Variants in CLEC1A observed in about 807,000 individuals in gnomAD.
CLEC1A encodes the protein C-type lectin domain family 1 member A, also known as C-type lectin-like receptor-1.
CLEC1A carries 34 observed loss-of-function variants against 28.7 expected under a neutral mutation model. The observed-to-expected ratio is 1.18, with a 90% CI of 0.90 to 1.57. CLEC1A has a LOEUF of 1.57. CLEC1A is among the 40% of genes most tolerant of loss of function. CLEC1A has a pLI of 0.00. For missense variants in CLEC1A, 385 were observed against 339.5 expected, an observed-to-expected ratio of 1.13 and a Z score of -1.05; for synonymous variants, 116 against 121.0, an observed-to-expected ratio of 0.96 and a Z score of 0.27.
rs116087917 is a variant in CLEC1A at position 10,085,993 on chromosome 12, A to G, written c.214+3131T>C. On this transcript the variant is annotated intron_variant, in intron 2 of 5. Transcript: ENST00000315330. ...TGAAATTATATCAAGTATTCTCTCAAAGCATAGTGAAATAAAATTGAAAAT... is the reference window on the plus strand; with the variant it reads ...TGAAATTATATCAAGTATTCTCTCAGAGCATAGTGAAATAAAATTGAAAAT... 9.9e-3 allele frequency among the ~76,000 whole-genome samples: 1,511 copies of G among 152,316 alleles called. 33 individuals carry two copies. Among genetic ancestry groups the G allele is most frequent in the African/African-American group, 0.035 (1,449 of 41,560 alleles).
chr12:10,081,661 T>C (rs945698789), intron 2 of CLEC1A, among the ~76,000 whole-genome samples: 5 of 138,650 alleles, frequency 3.6e-5, no homozygotes, highest in Non-Finnish European at 6.4e-5. Context: ...AGGGCTAAGA[T>C]AGAGCTCCCA....
At chr12:10,074,131 T>G (rs1866199085) in intron 4 of CLEC1A, among the ~76,000 whole-genome samples, 1 of 152,208 alleles carries the variant, frequency 6.6e-6, no homozygotes, top group African/African-American at 2.4e-5. Flanking sequence ...CATAGCTCAC[T>G]GCAGCCTCAA....
intron 2 of CLEC1A, among the ~76,000 whole-genome samples, chr12:10,087,626 G>A (rs752385945): frequency 5.4e-5 from 8 of 148,754 alleles, no homozygotes; most frequent in Non-Finnish European, 1.2e-4. Flanking sequence ...GGGTTCAAGC[G>A]GTTCTCCTGC....
chr12:10,088,989 C>A, intron 2 of CLEC1A, 135 bp downstream of exon 2: 1 of 703,122 alleles, frequency 1.4e-6, no homozygotes, highest in Non-Finnish European at 2.5e-6. Flanking sequence ...AAATAGTTGC[C>A]ATTTAAAAAA....
chr12:10,080,396 A>G (rs575727214), intron 3 of CLEC1A, among the ~76,000 whole-genome samples: 1 of 152,324 alleles, frequency 6.6e-6, no homozygotes, highest in South Asian at 2.1e-4. Context: ...GTAGGAAAGA[A>G]TCACTTAGAG....
At position 10,070,601 on chromosome 12, in the gene CLEC1A, T is replaced by C. The variant is rs1239911849; in HGVS notation, c.*732A>G. The C allele has an allele frequency of 6.6e-6, 1 of 152,236 alleles. No homozygotes were observed. The highest frequency in any genetic ancestry group is 1.5e-5 in the Non-Finnish European group (1 of 68,034). 9.4% of individuals were successfully genotyped at this position (152,236 alleles called of 1,614,324 possible). On this transcript the variant is annotated 3_prime_UTR_variant, in exon 6 of 6. Transcript: ENST00000315330. ...GTGCAGATGAAGAGGCTCACTTTTT[T>C]CTGGTCTTTAATCTCTCTGAAGGGA...
chr12:10,090,607 G>T lies in CLEC1A; in HGVS notation c.116-1385C>A, dbSNP rs184889812. Among the ~76,000 whole-genome samples the T allele has an allele frequency of 7.9e-5, 12 of 152,018 alleles. No homozygotes were observed. In the South Asian group the frequency reaches 2.5e-3, roughly 32 times the overall value. ...ATATGAAACGTTATTTCCAAATGGG[G>T]AATGATAACTAGTAAAGAATATAGA... On this transcript the variant is annotated intron_variant, in intron 1 of 5. Transcript: ENST00000315330.
chr12:10,088,935 G>A (rs1163444406), intron 2 of CLEC1A, among the ~76,000 whole-genome samples, 189 bp downstream of exon 2: 1 of 101,548 alleles, frequency 9.8e-6, no homozygotes, highest in East Asian at 2.0e-4. Context: ...ATTCTAGTTG[G>A]CAACTGATTT....
chr12:10,078,427 A>G (rs1866298743), intron 3 of CLEC1A, among the ~76,000 whole-genome samples: 1 of 152,152 alleles, frequency 6.6e-6, no homozygotes. Context: ...ATTTCTCTAT[A>G]TTACATGGCT....
At chr12:10,097,960 T>C (rs1399887026) in intron 1 of CLEC1A, among the ~76,000 whole-genome samples, 1 of 47,514 alleles carries the variant, frequency 2.1e-5, no homozygotes, top group East Asian at 2.8e-4. Context: ...TGGAGGGTCA[T>C]TTAATAAATA....
At chr12:10,073,897 G>A (rs965435782) in intron 4 of CLEC1A, among the ~76,000 whole-genome samples, 1 of 152,104 alleles carries the variant, frequency 6.6e-6, no homozygotes, top group Non-Finnish European at 1.5e-5. Context: ...AGAGAAGAAA[G>A]AAATTTTTAA....
At chr12:10,086,640 A>G (rs973065651) in intron 2 of CLEC1A, among the ~76,000 whole-genome samples, 1 of 152,242 alleles carries the variant, frequency 6.6e-6, no homozygotes, top group Non-Finnish European at 1.5e-5. Context: ...AACAGTAACA[A>G]GTAGTGAAAT....
intron 2 of CLEC1A, among the ~76,000 whole-genome samples, chr12:10,085,700 T>C (rs1009185225): frequency 7.9e-5 from 12 of 152,028 alleles, no homozygotes; most frequent in African/African-American, 2.4e-4. Flanking sequence ...AAAAATGAGA[T>C]AGACAGCAAC....
intron 1 of CLEC1A, chr12:10,092,388 A>T (rs760423545): frequency 2.7e-6 from 1 of 371,276 alleles, no homozygotes; most frequent in South Asian, 1.9e-5. Flanking sequence ...TCTATAAAAA[A>T]TTTTTAAAAT....
At chr12:10,083,843 A>G (rs1403389738) in intron 2 of CLEC1A, among the ~76,000 whole-genome samples, 1 of 152,120 alleles carries the variant, frequency 6.6e-6, no homozygotes, top group Non-Finnish European at 1.5e-5. Flanking sequence ...TATCGTAAAG[A>G]AAAAACAATC....
chr12:10,098,969 G>C lies in CLEC1A; in HGVS notation c.-47C>G. On this transcript the variant is annotated 5_prime_UTR_variant, in exon 1 of 6. Transcript: ENST00000315330. Reference sequence around the variant, plus strand: ...AGTGAAATGTGGTCGGATTGCCCTGGGCCGCCGGGCTACTGTGAGCTAGTT... The same window carrying C: ...AGTGAAATGTGGTCGGATTGCCCTGCGCCGCCGGGCTACTGTGAGCTAGTT... The C allele has an allele frequency of 7.2e-7, 1 of 1,386,638 alleles. No homozygotes were observed. Among genetic ancestry groups the C allele is most frequent in the Non-Finnish European group, 1.0e-6 (1 of 990,280 alleles). 85.9% of individuals were successfully genotyped at this position (1,386,638 alleles called of 1,614,324 possible).
At chr12:10,083,166 G>A (rs370706577) in intron 2 of CLEC1A, among the ~76,000 whole-genome samples, 1 of 152,178 alleles carries the variant, frequency 6.6e-6, no homozygotes, top group African/African-American at 2.4e-5. Context: ...AAGGGGGAGA[G>A]CACAACATCA....
At position 10,098,915 on chromosome 12, in the gene CLEC1A, G is replaced by T. The variant is rs759228341; in HGVS notation, c.8C>A (p.Ala3Asp). 4 of 1,610,110 alleles carry T rather than the reference G, an allele frequency of 2.5e-6. No homozygotes were observed. Among genetic ancestry groups the T allele is most frequent in the Non-Finnish European group, 3.4e-6 (4 of 1,177,442 alleles). ...CATGTCCCTCGTGCTGCTGTACTTG[G>T]CCTGCATCTGGATTCCTACAGCGGT... MQAKYSSTRDMLD... is the reference protein window; with the variant it reads MQDKYSSTRDMLD... Residue 3 changes from alanine to aspartate, a missense_variant, in exon 1 of 6, where the codon GCC becomes GAC. Coordinates refer to ENST00000315330, the MANE Select transcript of CLEC1A (RefSeq NM_016511.4).
At chr12:10,084,322 G>T (rs6416262) in intron 2 of CLEC1A, 119,088 of 152,000 alleles carry the variant, frequency 0.78, 48,005 homozygotes, top group Middle Eastern at 0.88. Context: ...GCTGTGCACT[G>T]GGTCGAAGAG....
Sources: gnomAD v4.1 joint callset for allele counts (sites outside exome capture counted in the v4.1 genomes callset) on GRCh38, gnomAD v4.1.1 for gene constraint, MANE v1.5 for transcripts, NCBI Gene and HGNC (gene_info 2026-07-23, HGNC 2026-07-21) for gene names.